ADAM11: variants seen among roughly 807,000 people sequenced by gnomAD.
The protein encoded by ADAM11 is ADAM metallopeptidase domain 11.
A neutral mutation model predicts 119.1 loss-of-function variants in ADAM11; 49 were observed. That is an observed-to-expected ratio of 0.41 (90% CI 0.33 to 0.52). The LOEUF (loss-of-function observed/expected upper bound fraction) is 0.52. Ranked by LOEUF, ADAM11 falls within the 20% of genes least tolerant of loss-of-function variation. The pLI, the probability that ADAM11 is intolerant of heterozygous loss-of-function variation, is 0.20. For missense variants in ADAM11, 777 were observed against 1,047.5 expected (o/e 0.74, Z 3.56); for synonymous variants, 364 against 408.0 (o/e 0.89, Z 1.30).
Position 44,772,277 on chromosome 17 carries a change from C to T in ADAM11, c.554C>T (p.Pro185Leu), listed in dbSNP as rs200837805. The T allele has an allele frequency of 1.9e-5, 31 of 1,608,628 alleles. No homozygotes were observed. The highest frequency in any genetic ancestry group is 2.5e-5 in the Non-Finnish European group (29 of 1,177,340). The change falls in exon 7 of 27, where the codon CCC becomes CTC. Residue 185 changes from proline to leucine, a missense_variant. Around this residue, in one of 4 missense-constraint regions of ADAM11, gnomAD observed 278 missense variants for 310.1 expected, o/e 0.90. Coordinates refer to ENST00000200557, the MANE Select transcript of ADAM11 (RefSeq NM_002390.6). This position sits in a 1 kb window ranked among gnomAD's most constrained non-coding sequence, Gnocchi z 4.5. ...TTCCCCTCATTGCAGGGACCCCTTC[C>T]CCACCTCATTTACCGGACCCCTCTC... ...GPWGAPQGPL[P>L]HLIYRTPLLP...
chr17:44,764,769 C>G (rs566751991), intron 2 of ADAM11, among the ~76,000 whole-genome samples: 1 of 152,232 alleles, frequency 6.6e-6, no homozygotes, highest in African/African-American at 2.4e-5. Flanking sequence ...CAGGCTGCTG[C>G]GAGGACTTGA....
chr17:44,769,740 G>A lies in ADAM11; in HGVS notation c.260G>A (p.Ser87Asn). 6.2e-7 allele frequency: 1 copy of A among 1,614,094 alleles called. No homozygotes were observed. Among genetic ancestry groups the A allele is most frequent in the Non-Finnish European group, 8.5e-7 (1 of 1,179,998 alleles). Residue 87 changes from serine (S) to asparagine (N), a missense_variant, in exon 3 of 27, where the codon AGT (serine) becomes AAT (asparagine). By Grantham distance (46) the Ser-to-Asn change is conservative. This residue lies in a region of ADAM11 where 278 missense variants were observed against 310.1 expected (regional missense o/e 0.90). Transcript: ENST00000200557. ...GGPPVHLAQV[S>N]FVIPAFNSNF... ...CAGCCTGTCCATCTGGCCCAGGTGA[G>A]TTTCGTCATCCCAGCCTTCAACTCA...
chr17:44,775,132 G>C lies in ADAM11; in HGVS notation c.1221-80G>C. The C allele has an allele frequency of 8.2e-7, 1 of 1,223,558 alleles. No homozygotes were observed. Among genetic ancestry groups the C allele is most frequent in the Non-Finnish European group, 1.2e-6 (1 of 840,284 alleles). 75.8% of individuals were successfully genotyped at this position (1,223,558 alleles called of 1,614,324 possible). ...CGCGATGGTGACGAAGTCCCCCAGT[G>C]TACCCCCTCCCCAGCCTTGAGAGGG... On this transcript the variant is annotated intron_variant, in intron 14 of 26. Coordinates refer to ENST00000200557, the MANE Select transcript of ADAM11 (RefSeq NM_002390.6). The surrounding 1 kb of genome is among the most constrained non-coding windows in gnomAD (Gnocchi z 7.5).
At position 44,777,754 on chromosome 17, in the gene ADAM11, C is replaced by T. The variant is rs764190527; in HGVS notation, c.1961C>T (p.Ala654Val). The T allele has an allele frequency of 5.6e-6, 9 of 1,613,898 alleles. No homozygotes were observed. The highest frequency in any genetic ancestry group is 1.7e-5 in the Admixed American group (1 of 60,002). Residue 654 changes from alanine to valine, a missense_variant, in exon 23 of 27, where the codon GCC becomes GTC. By Grantham distance (64) the Ala-to-Val change is moderately conservative (BLOSUM62 0). Coordinates refer to ENST00000200557, the MANE Select transcript of ADAM11 (RefSeq NM_002390.6). The surrounding 1 kb of genome is among the most constrained non-coding windows in gnomAD (Gnocchi z 5.1). ...SDLSYVEDGT[A>V]CGPNMLCLDH... Reference sequence around the variant, plus strand: ...CTGAGCTATGTGGAGGATGGCACAGCCTGCGGGCCTAACATGTTGTGCCTG... The same window carrying T: ...CTGAGCTATGTGGAGGATGGCACAGTCTGCGGGCCTAACATGTTGTGCCTG...
rs1288299848 is a variant in ADAM11, at chr17:44,759,515, G to A, written c.62-207G>A. ...CTCTGCGGGTTTGGGCGGATGGGGG[G>A]GCAGTCGTGACGGTTGGGCGGGAGT... is the stretch of plus-strand genomic sequence containing the variant. On this transcript the variant is annotated intron_variant, in intron 1 of 26. Transcript: ENST00000200557. 4.8e-6 allele frequency: 6 copies of A among 1,242,876 alleles called. No individual in the cohort carries two copies. The East Asian group carries it at 1.6e-4, about 33-fold the overall frequency. 77.0% of individuals were successfully genotyped at this position (1,242,876 alleles called of 1,614,324 possible). A position where few individuals can be genotyped will look rare whatever the true frequency, so the allele number is the denominator to read the frequency against.
At chr17:44,761,121 T>C (rs1005174317) in intron 2 of ADAM11, among the ~76,000 whole-genome samples, 5 of 152,040 alleles carry the variant, frequency 3.3e-5, no homozygotes, top group Admixed American at 6.5e-5. Flanking sequence ...TCCTGGCCGC[T>C]GAGTCTGGCT....
chr17:44,759,612 T>A (rs560632668), intron 1 of ADAM11, 110 bp from the exon 2 acceptor site: 1 of 1,305,848 alleles, frequency 7.7e-7, no homozygotes, highest in South Asian at 3.2e-5. Flanking sequence ...CGGATCGCCC[T>A]AGGGCTCCAG....
At chr17:44,774,838 A>C in intron 14 of ADAM11, 89 bp downstream of exon 14, 199 of 1,481,584 alleles carry the variant, frequency 1.3e-4, no homozygotes, top group Non-Finnish European at 1.7e-4. Context: ...CAGGGGGCTC[A>C]AGAGGCCCAG....
At chr17:44,779,693 G>A (rs201576445) in intron 26 of ADAM11, 46 bp from the exon 27 acceptor site, 20 of 1,569,232 alleles carry the variant, frequency 1.3e-5, no homozygotes, top group East Asian at 2.3e-5. Context: ...GGCTCTCCCC[G>A]TGGCCCCTGC....
Position 44,773,063 on chromosome 17 carries a change from C to T in ADAM11, c.803C>T (p.Ser268Phe). 1 of 1,613,900 alleles carries T rather than the reference C, an allele frequency of 6.2e-7. No homozygotes were observed. Among genetic ancestry groups the T allele is most frequent in the Non-Finnish European group, 8.5e-7 (1 of 1,179,950 alleles). ...GTCCTCACCAGCAACTTTGCCAAGT[C>T]CGTGGTGAACCTGGCCGATGTGGTA... is the stretch of plus-strand genomic sequence containing the variant. ...SVVLTSNFAK[S>F]VVNLADVIYK... The change falls in exon 10 of 27, where the codon TCC (serine) becomes TTC (phenylalanine). Residue 268 changes from serine (S) to phenylalanine (F), a missense_variant. Physicochemically the swap from Ser to Phe is radical, Grantham distance 155 (BLOSUM62 -2). Around this residue, in one of 4 missense-constraint regions of ADAM11, gnomAD observed 147 missense variants for 223.3 expected, o/e 0.66. Transcript: ENST00000200557. The surrounding 1 kb of genome is among the most constrained non-coding windows in gnomAD (Gnocchi z 4.6).
rs779098387 is a variant in ADAM11, at chr17:44,779,789, C to A, written c.*35C>A. On this transcript the variant is annotated 3_prime_UTR_variant, in exon 27 of 27. Transcript: ENST00000200557. Reference sequence around the variant, plus strand: ...TCCTCCCTCCAAGCCTGGCACCCACCGTCTCGGCCCTGAACCACGAGGCTG... The same window carrying A: ...TCCTCCCTCCAAGCCTGGCACCCACAGTCTCGGCCCTGAACCACGAGGCTG... The A allele has an allele frequency of 1.2e-5, 20 of 1,611,672 alleles. No individual in the cohort carries two copies. The highest frequency in any genetic ancestry group is 2.2e-5 in the South Asian group (2 of 90,998).
At chr17:44,768,550 C>G (rs1186611051) in intron 2 of ADAM11, among the ~76,000 whole-genome samples, 1 of 152,108 alleles carries the variant, frequency 6.6e-6, no homozygotes, top group Non-Finnish European at 1.5e-5. Context: ...TGCCTGTCTC[C>G]TTTCAGATGG....
rs372921619 is a variant in ADAM11, at chr17:44,775,347, C to G, written c.1320+36C>G. The G allele has an allele frequency of 2.5e-6, 4 of 1,613,174 alleles. No homozygotes were observed. In the African/African-American group the frequency reaches 5.3e-5, roughly 22 times the overall value. On this transcript the variant is annotated intron_variant, in intron 15 of 26. Transcript: ENST00000200557. The surrounding 1 kb of genome is among the most constrained non-coding windows in gnomAD (Gnocchi z 7.5). ...CGCGGCGGGGAGCATGGGAGCGGGC[C>G]CTGGGCGGGGTCCGGGCCAGACTCC...
chr17:44,762,902 CA>C (rs2049405937), intron 2 of ADAM11, among the ~76,000 whole-genome samples: 2 of 150,284 alleles, frequency 1.3e-5, no homozygotes, highest in Non-Finnish European at 2.9e-5. Context: ...TGGCCAAGGT[CA>C]GGGGATTGCT....
intron 2 of ADAM11, among the ~76,000 whole-genome samples, chr17:44,768,244 G>A (rs900028671): frequency 2.6e-5 from 4 of 152,192 alleles, no homozygotes; most frequent in African/African-American, 7.2e-5. Flanking sequence ...AGGATGTGGC[G>A]ACTCCTTGTC....
At chr17:44,762,804 G>A (rs2049405080) in intron 2 of ADAM11, among the ~76,000 whole-genome samples, 1 of 152,026 alleles carries the variant, frequency 6.6e-6, no homozygotes, top group Admixed American at 6.6e-5. Context: ...GGGCAAGGGT[G>A]GGGGTGCGAC....
chr17:44,771,459 A>G (rs774490797), intron 4 of ADAM11, 125 bp from the exon 5 acceptor site: 90 of 958,418 alleles, frequency 9.4e-5, no homozygotes, highest in Middle Eastern at 3.2e-4. Flanking sequence ...CCAGAGCCCC[A>G]GGCATACCCA....
chr17:44,767,111 C>G (rs1173911072), intron 2 of ADAM11, among the ~76,000 whole-genome samples: 1 of 151,998 alleles, frequency 6.6e-6, no homozygotes, highest in Admixed American at 6.6e-5. Flanking sequence ...GCAATCCCAG[C>G]ACTTTGGGAT....
At position 44,776,345 on chromosome 17, in the gene ADAM11, C is replaced by A; in HGVS notation, c.1566+138C>A. ...CGACCTCCACTGATCAGACTGTTTTCTTATCTGAGAAAGGGGTTCTTCATG... is the reference window on the plus strand; with the variant it reads ...CGACCTCCACTGATCAGACTGTTTTATTATCTGAGAAAGGGGTTCTTCATG... On this transcript the variant is annotated intron_variant, in intron 18 of 26. Transcript: ENST00000200557. This position sits in a 1 kb window ranked among gnomAD's most constrained non-coding sequence, Gnocchi z 5.2. 1.1e-6 allele frequency: 1 copy of A among 875,836 alleles called. No homozygotes were observed. Among genetic ancestry groups the A allele is most frequent in the South Asian group, 1.6e-5 (1 of 61,378 alleles). The allele number at this position is 875,836 out of a possible 1,614,324, so 54.3% of individuals were successfully genotyped here. A position where few individuals can be genotyped will look rare whatever the true frequency, so the allele number is the denominator to read the frequency against.
Sources: gnomAD v4.1 joint callset for allele counts (sites outside exome capture counted in the v4.1 genomes callset) on GRCh38, gnomAD v4.1.1 for gene constraint, gnomAD v4.1.1 regional missense constraint, Gnocchi (gnomAD v3.1) non-coding constraint, MANE v1.5 for transcripts, NCBI Gene and HGNC (gene_info 2026-07-23, HGNC 2026-07-21) for gene names.